PSG5: variants seen among roughly 807,000 people sequenced by gnomAD.
PSG5 encodes pregnancy specific beta-1-glycoprotein 5.
In PSG5, 53 loss-of-function variants were observed where a neutral mutation model predicts 37.7. That is an observed-to-expected ratio of 1.41 (90% confidence interval 1.13 to 1.77). The LOEUF is 1.77. Among genes scored for constraint, PSG5 ranks in the 40% most tolerant of loss-of-function variants. The probability of loss-of-function intolerance (pLI) is 0.00; values close to 1 mark genes in which losing one functional copy is unlikely to be tolerated. For synonymous variants in PSG5, 221 were observed against 155.4 expected (o/e 1.42, Z -3.14); for missense variants, 547 against 405.2 (o/e 1.35, Z -3.00).
chr19:43,175,927 C>T lies in PSG5; in HGVS notation c.652G>A (p.Glu218Lys). The T allele has an allele frequency of 2.5e-6, 4 of 1,612,484 alleles. No individual in the cohort carries two copies. Among genetic ancestry groups the T allele is most frequent in the Non-Finnish European group, 3.4e-6 (4 of 1,179,168 alleles). The change falls in exon 3 of 6, where the codon GAA becomes AAA. Residue 218 changes from glutamate to lysine, a missense_variant. Glu to Lys is a moderately conservative substitution (Grantham distance 56). Coordinates refer to ENST00000342951, the MANE Select transcript of PSG5 (RefSeq NM_002781.4). Reference protein sequence around the residue: ...TRNETGPYECEIRDRDGGMRS... With the variant: ...TRNETGPYECKIRDRDGGMRS... ...ATGCCACCATCTCGGTCCCGTATTT[C>T]ACATTCATAGGGTCCTGTTTCATTT...
At position 43,175,104 on chromosome 19, in the gene PSG5, T is replaced by C. The variant is rs924130381; in HGVS notation, c.964+111A>G. On this transcript the variant is annotated intron_variant, in intron 4 of 5. Transcript: ENST00000342951. ...TTCAGGAGGAGAATTTGGGATTTGC[T>C]TGTGCCCATGGGACACAGGCTGGGA... The C allele has an allele frequency of 1.6e-5, 26 of 1,599,296 alleles. No homozygotes were observed. In the African/African-American group the frequency reaches 3.4e-4, roughly 21 times the overall value.
At position 43,186,348 on chromosome 19, in the gene PSG5, G is replaced by A. The variant is rs773210202; in HGVS notation, c.58C>T (p.Leu20Phe). 3.7e-6 allele frequency: 6 copies of A among 1,612,106 alleles called. No homozygotes were observed. Among genetic ancestry groups the A allele is most frequent in the Non-Finnish European group, 5.1e-6 (6 of 1,178,930 alleles). The stretch of plus-strand genomic sequence containing the variant: ...CAGGAAGTTCTCTCCTCACCTGTGA[G>A]CAGGAGCCCCTTCCAGGTGATGTGC... ...TQHITWKGLL[L>F]TASLLNFWNL... is the part of the protein sequence containing the mutation. The change falls in exon 1 of 6, where the codon CTC (leucine) becomes TTC (phenylalanine). Residue 20 changes from leucine to phenylalanine, a missense_variant. Coordinates refer to ENST00000342951, the MANE Select transcript of PSG5 (RefSeq NM_002781.4).
chr19:43,178,237 A>T (rs1049729091), intron 2 of PSG5, among the ~76,000 whole-genome samples: 1 of 151,572 alleles, frequency 6.6e-6, no homozygotes, highest in African/African-American at 2.4e-5. Context: ...AGGGACTATG[A>T]TCCTCTTGAT....
chr19:43,179,354 G>C (rs1310773265), intron 2 of PSG5, among the ~76,000 whole-genome samples: 1 of 151,560 alleles, frequency 6.6e-6, no homozygotes, highest in African/African-American at 2.4e-5. Flanking sequence ...CTTTATGTGG[G>C]AGAAGTACAG....
chr19:43,177,736 A>C (rs1278409664), intron 2 of PSG5, among the ~76,000 whole-genome samples: 1 of 151,542 alleles, frequency 6.6e-6, no homozygotes, highest in South Asian at 2.1e-4. Context: ...TTTAAGACAG[A>C]GTTTTCTAAT....
chr19:43,169,059 G>A (rs56298458), intron 5 of PSG5, among the ~76,000 whole-genome samples: 26,326 of 151,428 alleles, frequency 0.17, 3,182 homozygotes, highest in East Asian at 0.5. Context: ...ACTAATGGGT[G>A]GGGCTTGAGC....
chr19:43,184,263 C>G (rs1251456396), intron 2 of PSG5, among the ~76,000 whole-genome samples: 2 of 151,658 alleles, frequency 1.3e-5, no homozygotes, highest in African/African-American at 2.4e-5. Flanking sequence ...GTGAGCAGCT[C>G]CAGGAGACAC....
rs1969000330 is a variant in PSG5 at position 43,175,943 on chromosome 19, T to C, written c.636A>G (p.Thr212=). ...CCCGTATTTCACATTCATAGGGTCC[T>C]GTTTCATTTCTCGTGACACTGGGTA... The part of the protein sequence containing the change: ...LILPSVTRNE[T]GPYECEIRDR... The change falls in exon 3 of 6, where the codon ACA becomes ACG. Residue 212 remains threonine (T), a synonymous_variant. Transcript: ENST00000342951. The C allele has an allele frequency of 1.2e-6, 2 of 1,612,332 alleles. No homozygotes were observed. Among genetic ancestry groups the C allele is most frequent in the African/African-American group, 2.7e-5 (2 of 74,490 alleles).
intron 5 of PSG5, 143 bp downstream of exon 5, chr19:43,169,912 T>G (rs1968867340): frequency 7.7e-6 from 4 of 521,888 alleles, no homozygotes; most frequent in Non-Finnish European, 1.1e-5. Flanking sequence ...GAAAGGGAAC[T>G]GCAGGAATTA....
intron 4 of PSG5, chr19:43,174,945 T>A: frequency 7.6e-7 from 1 of 1,322,306 alleles, no homozygotes; most frequent in East Asian, 2.5e-5. Flanking sequence ...CATCCCTCTG[T>A]GAAGCCTCCT....
At chr19:43,181,189 C>T (rs1030037888) in intron 2 of PSG5, among the ~76,000 whole-genome samples, 8 of 151,632 alleles carry the variant, frequency 5.3e-5, no homozygotes, top group African/African-American at 1.5e-4. Flanking sequence ...TGGCCACCTC[C>T]AACTGGTCCC....
At position 43,175,517 on chromosome 19, in the gene PSG5, G is replaced by C. The variant is rs546676000; in HGVS notation, c.710-48C>G. The stretch of plus-strand genomic sequence containing the variant: ...ACAGGTGATGTCATCCAAGGGAAGG[G>C]GATGCTCCTGGTCTCTTAAAGGGAC... On this transcript the variant is annotated intron_variant, in intron 3 of 5. Coordinates refer to ENST00000342951, the MANE Select transcript of PSG5 (RefSeq NM_002781.4). 5 of 1,566,146 alleles carry C rather than the reference G, an allele frequency of 3.2e-6. No homozygotes were observed. The South Asian group carries it at 6.1e-5, about 19-fold the overall frequency.
intron 4 of PSG5, among the ~76,000 whole-genome samples, chr19:43,172,695 C>T (rs112961276): frequency 6.6e-6 from 1 of 151,128 alleles, no homozygotes; most frequent in African/African-American, 2.4e-5. Context: ...ATAATTATAC[C>T]TGAAATCTAC....
intron 2 of PSG5, among the ~76,000 whole-genome samples, chr19:43,183,788 C>T (rs1969183024): frequency 6.6e-6 from 1 of 151,156 alleles, no homozygotes; most frequent in Non-Finnish European, 1.5e-5. Context: ...GGGCCTGTGG[C>T]TGCAGACAGA....
intron 4 of PSG5, 32 bp downstream of exon 4, chr19:43,175,183 C>A: frequency 6.2e-7 from 1 of 1,612,292 alleles, no homozygotes; most frequent in Non-Finnish European, 8.5e-7. Context: ...CCACCTAAAA[C>A]CCTATTGCCA....
intron 2 of PSG5, among the ~76,000 whole-genome samples, chr19:43,182,302 T>C (rs1969145116): frequency 6.6e-6 from 1 of 151,732 alleles, no homozygotes; most frequent in South Asian, 2.1e-4. Context: ...GCTGCAATGT[T>C]GTTTGGCCAG....
Position 43,175,443 on chromosome 19 carries a change from G to A in PSG5, c.736C>T (p.Pro246Ser). The change falls in exon 4 of 6, where the codon CCT (proline) becomes TCT (serine). Residue 246 changes from proline (P) to serine (S), a missense_variant. Coordinates refer to ENST00000342951, the MANE Select transcript of PSG5 (RefSeq NM_002781.4). ...LYGPDLPSIY[P>S]SFTYYRSGEN... is the part of the protein sequence containing the mutation. Reference sequence around the variant, plus strand: ...CCTGAACGGTAATAGGTGAATGAAGGGTAAATGCTGGGGAGGTCTGGACCA... The same window carrying A: ...CCTGAACGGTAATAGGTGAATGAAGAGTAAATGCTGGGGAGGTCTGGACCA... 1.2e-6 allele frequency: 2 copies of A among 1,611,714 alleles called. No homozygotes were observed. The highest frequency in any genetic ancestry group is 1.7e-6 in the Non-Finnish European group (2 of 1,178,654).
chr19:43,170,651 A>G (rs1315851014), intron 4 of PSG5: 1 of 239,412 alleles, frequency 4.2e-6, no homozygotes, highest in East Asian at 1.2e-4. Flanking sequence ...GGCTCTCTTT[A>G]ACTCTAAAGG....
At chr19:43,176,678 G>A (rs1332053946) in intron 2 of PSG5, among the ~76,000 whole-genome samples, 2 of 150,910 alleles carry the variant, frequency 1.3e-5, no homozygotes, top group Non-Finnish European at 3.0e-5. Context: ...AATAACACAG[G>A]AGAGACCAGA....
Sources: gnomAD v4.1 joint callset for allele counts (sites outside exome capture counted in the v4.1 genomes callset) on GRCh38, gnomAD v4.1.1 for gene constraint, MANE v1.5 for transcripts, NCBI Gene and HGNC (gene_info 2026-07-23, HGNC 2026-07-21) for gene names.